Variants in PCSK5 observed in about 807,000 individuals in gnomAD.
PCSK5 encodes the protein proprotein convertase subtilisin/kexin type 5.
PCSK5 carries 129 observed loss-of-function variants against 233.2 expected under a neutral mutation model. The ratio of observed to expected loss-of-function variants is 0.55; its 90% CI spans 0.48 to 0.64. PCSK5 has a LOEUF of 0.64. Among genes scored for constraint, PCSK5 ranks in the 30% least tolerant of loss-of-function variants. PCSK5 has a pLI of 0.00. For missense variants in PCSK5, 2,076 were observed against 2,430.1 expected (o/e 0.85, Z 3.06); for synonymous variants, 825 against 879.2 (o/e 0.94, Z 1.09).
chr9:76,001,921 A>ATG (rs1393502044), intron 3 of PCSK5, among the ~76,000 whole-genome samples: 1 of 152,226 alleles, frequency 6.6e-6, no homozygotes, highest in Non-Finnish European at 1.5e-5. Flanking sequence ...GTACACACTA[A>ATG]TGAGCATTAA....
intron 14 of PCSK5, among the ~76,000 whole-genome samples, chr9:76,177,301 A>AG (rs1823657208): frequency 6.6e-6 from 1 of 152,168 alleles, no homozygotes. Context: ...TCAAAAAAAA[A>AG]GAAAAGAAAA....
At chr9:75,907,875 C>T (rs555896753) in intron 1 of PCSK5, among the ~76,000 whole-genome samples, 3 of 152,224 alleles carry the variant, frequency 2.0e-5, no homozygotes, top group South Asian at 2.1e-4. Context: ...GTTTGGTGCG[C>T]GTGAAAGGTC....
At chr9:76,235,077 T>C (rs1205432147) in intron 22 of PCSK5, among the ~76,000 whole-genome samples, 3 of 152,226 alleles carry the variant, frequency 2.0e-5, no homozygotes, top group Admixed American at 1.3e-4. Context: ...CATAAGAGCA[T>C]GGCATGGTTT....
intron 2 of PCSK5, among the ~76,000 whole-genome samples, chr9:75,969,531 G>A (rs1216017006): frequency 6.6e-6 from 1 of 152,172 alleles, no homozygotes; most frequent in Non-Finnish European, 1.5e-5. Flanking sequence ...GGGCTGGATA[G>A]TATAGGTCTC....
chr9:75,930,491 A>G (rs1439948979), intron 1 of PCSK5, among the ~76,000 whole-genome samples: 1 of 152,124 alleles, frequency 6.6e-6, no homozygotes. Flanking sequence ...TTAATACAAT[A>G]TTATTATTCT....
At chr9:76,077,319 A>G (rs1326028802) in intron 7 of PCSK5, among the ~76,000 whole-genome samples, 2 of 152,142 alleles carry the variant, frequency 1.3e-5, no homozygotes. Context: ...TTTATCATCA[A>G]AATTTCTCTC....
chr9:75,988,305 T>C (rs890835391), intron 3 of PCSK5, among the ~76,000 whole-genome samples: 1 of 151,912 alleles, frequency 6.6e-6, no homozygotes, highest in African/African-American at 2.4e-5. Context: ...TTTTTTTTTT[T>C]GACAGAGTCT....
intron 20 of PCSK5, among the ~76,000 whole-genome samples, chr9:76,207,015 T>G (rs1825144469): frequency 1.3e-5 from 2 of 152,160 alleles, no homozygotes; most frequent in Admixed American, 6.5e-5. Context: ...CTTTTGCTCA[T>G]GACCCCTTCC....
intron 24 of PCSK5, chr9:76,287,057 C>T (rs1184251783): frequency 1.8e-5 from 3 of 162,382 alleles, no homozygotes; most frequent in African/African-American, 7.2e-5. Context: ...ACCCGGATCA[C>T]CGGTGTCTAG....
At position 76,189,119 on chromosome 9, in the gene PCSK5, C is replaced by T; in HGVS notation, c.2406C>T (p.Asn802=). ...CAGAGADGCI[N]CTEGYFMEDG... ...GGGCAGGAGCTGATGGGTGCATTAACTGCACAGAGGGCTACTTCATGGAGG... is the reference window on the plus strand; with the variant it reads ...GGGCAGGAGCTGATGGGTGCATTAATTGCACAGAGGGCTACTTCATGGAGG... The change falls in exon 19 of 38, where the codon AAC becomes AAT. Residue 802 remains asparagine (N), a synonymous_variant. Transcript: ENST00000674117. 3.1e-6 allele frequency: 5 copies of T among 1,613,276 alleles called. No homozygotes were observed. The highest frequency in any genetic ancestry group is 3.4e-6 in the Non-Finnish European group (4 of 1,179,548).
intron 2 of PCSK5, among the ~76,000 whole-genome samples, chr9:75,953,056 G>A (rs922421205): frequency 1.3e-5 from 2 of 152,066 alleles, no homozygotes; most frequent in Non-Finnish European, 2.9e-5. Flanking sequence ...TATATATTAC[G>A]TTACATTGTG....
At chr9:76,096,681 AACCTCC>A (rs547590385) in intron 8 of PCSK5, among the ~76,000 whole-genome samples, 47 of 150,766 alleles carry the variant, frequency 3.1e-4, no homozygotes, top group Non-Finnish European at 6.0e-4. Context: ...AGCTCACTGC[AACCTCC>A]ACCTTGCAGA....
At chr9:76,183,841 T>TA (rs1823979662) in intron 16 of PCSK5, among the ~76,000 whole-genome samples, 1 of 152,212 alleles carries the variant, frequency 6.6e-6, no homozygotes, top group Admixed American at 6.5e-5. Flanking sequence ...TTCACATGGA[T>TA]ATAATCCACT....
intron 24 of PCSK5, among the ~76,000 whole-genome samples, chr9:76,283,632 A>T (rs1162452997): frequency 6.6e-6 from 1 of 152,184 alleles, no homozygotes; most frequent in African/African-American, 2.4e-5. Flanking sequence ...CTGAACCCAT[A>T]ATATCTCTGA....
chr9:76,045,303 G>A (rs2131542231), intron 5 of PCSK5, among the ~76,000 whole-genome samples: 1 of 152,244 alleles, frequency 6.6e-6, no homozygotes, highest in African/African-American at 2.4e-5. Flanking sequence ...TCTTCATCCT[G>A]ATGCAAGAGA....
At chr9:76,075,899 C>G (rs969547644) in intron 7 of PCSK5, among the ~76,000 whole-genome samples, 1 of 152,158 alleles carries the variant, frequency 6.6e-6, no homozygotes, top group Non-Finnish European at 1.5e-5. Flanking sequence ...AAAAAGACGT[C>G]TGCATCTTCT....
chr9:76,019,381 G>A (rs1828085152), intron 3 of PCSK5, among the ~76,000 whole-genome samples: 1 of 151,734 alleles, frequency 6.6e-6, no homozygotes, highest in Admixed American at 6.6e-5. Context: ...ACAGGTTTTT[G>A]GATATTTAAT....
At chr9:76,048,488 G>A (rs1829504018) in intron 5 of PCSK5, among the ~76,000 whole-genome samples, 1 of 152,174 alleles carries the variant, frequency 6.6e-6, no homozygotes, top group Non-Finnish European at 1.5e-5. Context: ...AAGTACGTGT[G>A]TACCTGAGGA....
intron 20 of PCSK5, among the ~76,000 whole-genome samples, chr9:76,211,918 T>G (rs1355037319): frequency 2.6e-5 from 4 of 152,050 alleles, no homozygotes; most frequent in Admixed American, 2.6e-4. Flanking sequence ...TGCTCCTCAC[T>G]GCACCCGCCA....
Sources: allele counts gnomAD v4.1 joint callset (sites outside exome capture counted in the v4.1 genomes callset), GRCh38; gene constraint gnomAD v4.1.1; transcripts MANE v1.5; gene names NCBI Gene and HGNC (gene_info 2026-07-23, HGNC 2026-07-21).